The following SEMA4A variants were observed in gnomAD, a reference collection of about 807,000 sequenced individuals.
The protein encoded by SEMA4A is semaphorin-4A.
Under a neutral mutation model 72.5 loss-of-function variants are expected in SEMA4A, and 52 were observed. That is an observed-to-expected ratio of 0.72 (90% confidence interval 0.57 to 0.90). SEMA4A has a LOEUF of 0.90. Among genes scored for constraint, SEMA4A ranks in the 40% least tolerant of loss-of-function variants. The pLI is 0.00. For synonymous variants in SEMA4A, 369 were observed against 393.1 expected, an observed-to-expected ratio of 0.94 and a Z score of 0.73; for missense variants, 926 against 959.7, an observed-to-expected ratio of 0.96 and a Z score of 0.46.
Position 156,160,438 on chromosome 1 carries a change from C to T in SEMA4A, c.569-5C>T. The T allele has an allele frequency of 6.2e-7, 1 of 1,608,908 alleles. No homozygotes were observed. On this transcript the variant is annotated splice_polypyrimidine_tract_variant and splice_region_variant and intron_variant, in intron 6 of 14. Transcript: ENST00000368285. ...AGTTCTCTCTTCTCCTCTCCTCCAC[C>T]CTAGATGGGATGCTCTATTCTGGTA...
intron 10 of SEMA4A, among the ~76,000 whole-genome samples, chr1:156,170,552 G>A (rs1183777782): frequency 3.4e-5 from 5 of 146,608 alleles, no homozygotes. Context: ...GTCAGATCGA[G>A]ACCATCCTGG....
intron 6 of SEMA4A, among the ~76,000 whole-genome samples, chr1:156,159,882 C>T (rs1389678541): frequency 6.7e-6 from 1 of 148,442 alleles, no homozygotes; most frequent in Non-Finnish European, 1.5e-5. Flanking sequence ...GATGGCACCA[C>T]TGCACTCCAG....
At chr1:156,170,899 T>G (rs888420565) in intron 10 of SEMA4A, among the ~76,000 whole-genome samples, 13 of 151,626 alleles carry the variant, frequency 8.6e-5, no homozygotes, top group African/African-American at 2.9e-4. Context: ...CCAGCCTGGA[T>G]GACAGTGAGA....
chr1:156,159,024 A>C, intron 6 of SEMA4A, 200 bp downstream of exon 6: 3 of 427,974 alleles, frequency 7.0e-6, no homozygotes, highest in South Asian at 2.4e-5. Context: ...ACACAGCGAG[A>C]TCGTCTCAAA....
At chr1:156,160,330 A>C (rs1653466613) in intron 6 of SEMA4A, 113 bp from the exon 7 acceptor site, 1 of 837,462 alleles carries the variant, frequency 1.2e-6, no homozygotes, top group African/African-American at 1.7e-5. Flanking sequence ...TGCAGAACTG[A>C]TGCAGGGCCC....
chr1:156,155,107 C>G (rs990107933), intron 2 of SEMA4A: 8 of 263,126 alleles, frequency 3.0e-5, no homozygotes, highest in Non-Finnish European at 6.0e-5. Context: ...ATATGTGGAC[C>G]CGGTGACCCG....
chr1:156,167,188 T>C (rs748020690), intron 10 of SEMA4A, among the ~76,000 whole-genome samples: 9 of 151,786 alleles, frequency 5.9e-5, no homozygotes, highest in Non-Finnish European at 1.3e-4. Flanking sequence ...TGGGATTGTA[T>C]AGATTAAAAG....
chr1:156,166,951 A>C (rs1280221632), intron 10 of SEMA4A, among the ~76,000 whole-genome samples: 1 of 151,972 alleles, frequency 6.6e-6, no homozygotes, highest in Non-Finnish European at 1.5e-5. Context: ...AAAGGAAAGA[A>C]AGAAAAAGAT....
At chr1:156,166,982 T>C (rs962349534) in intron 10 of SEMA4A, among the ~76,000 whole-genome samples, 10 of 151,476 alleles carry the variant, frequency 6.6e-5, no homozygotes, top group African/African-American at 2.4e-4. Context: ...TGCCAAACAG[T>C]CTCGACCTCC....
At position 156,161,400 on chromosome 1, in the gene SEMA4A, G is replaced by T; in HGVS notation, c.865G>T (p.Ala289Ser). 1 of 1,600,944 alleles carries T rather than the reference G, an allele frequency of 6.2e-7. No individual in the cohort carries two copies. Among genetic ancestry groups the T allele is most frequent in the Non-Finnish European group, 8.5e-7 (1 of 1,171,538 alleles). ...LQKKWTTFLK[A>S]QLLCTQPGQL... ...GAAGAAGTGGACCACCTTCCTGAAG[G>T]CCCAGCTGCTCTGCACCCAGCCGGG... is the stretch of plus-strand genomic sequence containing the variant. Residue 289 changes from alanine to serine, a missense_variant, in exon 9 of 15, where the codon GCC becomes TCC. Coordinates refer to ENST00000368285, the MANE Select transcript of SEMA4A (RefSeq NM_022367.4).
At chr1:156,161,739 C>A in intron 9 of SEMA4A, 2 of 540,244 alleles carry the variant, frequency 3.7e-6, no homozygotes, top group South Asian at 2.7e-5. Flanking sequence ...TTATATTCTG[C>A]CTAGTTCCAA....
At chr1:156,172,340 T>C (rs1654879634) in intron 10 of SEMA4A, among the ~76,000 whole-genome samples, 1 of 152,012 alleles carries the variant, frequency 6.6e-6, no homozygotes, top group Non-Finnish European at 1.5e-5. Flanking sequence ...GGTCTCGAAC[T>C]CCTGACCTCA....
intron 3 of SEMA4A, 37 bp downstream of exon 3, chr1:156,156,611 T>G: frequency 6.2e-7 from 1 of 1,610,404 alleles, no homozygotes. Flanking sequence ...GGGCTGGGAG[T>G]GAAGAGGGGG....
intron 10 of SEMA4A, among the ~76,000 whole-genome samples, chr1:156,170,748 C>A (rs796241623): frequency 2.3e-4 from 33 of 144,202 alleles, no homozygotes; most frequent in African/African-American, 8.0e-4. Context: ...AGTGAGACTC[C>A]GTCTCAAAAA....
chr1:156,161,719 T>G (rs1653683570), intron 9 of SEMA4A: 2 of 586,918 alleles, frequency 3.4e-6, no homozygotes, highest in Non-Finnish European at 6.0e-6. Flanking sequence ...GCAGAGAGGT[T>G]CTAACTAGTT....
Position 156,154,615 on chromosome 1 carries a change from C to T in SEMA4A, c.37C>T (p.Leu13Phe), listed in dbSNP as rs774941387. 2 of 1,610,986 alleles carry T rather than the reference C, an allele frequency of 1.2e-6. No homozygotes were observed. Among genetic ancestry groups the T allele is most frequent in the Non-Finnish European group, 1.7e-6 (2 of 1,179,236 alleles). The change falls in exon 2 of 15, where the codon CTC (leucine) becomes TTC (phenylalanine). Residue 13 changes from leucine to phenylalanine, a missense_variant. Leu to Phe is a conservative substitution (Grantham distance 22). Transcript: ENST00000368285. ...AGCCCTGGGCCTGGACCCCTGGAGCCTCCTGGGCCTTTTCCTCTTCCAACT... is the reference window on the plus strand; with the variant it reads ...AGCCCTGGGCCTGGACCCCTGGAGCTTCCTGGGCCTTTTCCTCTTCCAACT... ...LPALGLDPWS[L>F]LGLFLFQLLQ... is the part of the protein sequence containing the mutation.
At chr1:156,175,367 T>G in intron 13 of SEMA4A, 124 bp downstream of exon 13, 3 of 1,280,068 alleles carry the variant, frequency 2.3e-6, no homozygotes, top group Non-Finnish European at 2.2e-6. Context: ...CCTCCCATCC[T>G]GCAGTGGGTT....
Position 156,156,272 on chromosome 1 carries a change from G to T in SEMA4A, c.140-142G>T. On this transcript the variant is annotated intron_variant, in intron 2 of 14. Coordinates refer to ENST00000368285, the MANE Select transcript of SEMA4A (RefSeq NM_022367.4). ...TTGGGGTGGGGTGAAGGGAAGAACTGCTGGTGGAGGAGAGTGCATCTAGCT... is the reference window on the plus strand; with the variant it reads ...TTGGGGTGGGGTGAAGGGAAGAACTTCTGGTGGAGGAGAGTGCATCTAGCT... 5 of 753,240 alleles carry T rather than the reference G, an allele frequency of 6.6e-6. 1 individual carries two copies. The South Asian group carries it at 7.2e-5, about 11-fold the overall frequency. 46.7% of individuals were successfully genotyped at this position (753,240 alleles called of 1,614,324 possible).
chr1:156,154,756 G>C, intron 2 of SEMA4A, 39 bp downstream of exon 2: 1 of 1,562,224 alleles, frequency 6.4e-7, no homozygotes, highest in Non-Finnish European at 8.7e-7. Flanking sequence ...GATAGCAATA[G>C]AGAGCTGGAG....
Sources: allele counts gnomAD v4.1 joint callset (sites outside exome capture counted in the v4.1 genomes callset), GRCh38; gene constraint gnomAD v4.1.1; transcripts MANE v1.5; gene names NCBI Gene and HGNC (gene_info 2026-07-23, HGNC 2026-07-21).